The following PAGE2B variants were observed in gnomAD, a reference collection of about 807,000 sequenced individuals.
PAGE2B encodes PAGE family member 2B.
A neutral mutation model predicts 7.6 loss-of-function variants in PAGE2B; 5 were observed. That is an observed-to-expected ratio of 0.66 (90% CI 0.34 to 1.38). PAGE2B has a LOEUF of 1.38. PAGE2B is among the 40% of genes most tolerant of loss of function. The probability of loss-of-function intolerance (pLI) is 0.04; values close to 1 mark genes in which losing one functional copy is unlikely to be tolerated. For synonymous variants in PAGE2B, 29 were observed against 26.7 expected (o/e 1.09, Z -0.27); for missense variants, 70 against 78.4 (o/e 0.89, Z 0.41).
the PAGE2B span, among the ~76,000 whole-genome samples, chrX:55,069,225 T>G: frequency 1.9e-3 from 209 of 112,051 alleles, no homozygotes; most frequent in African/African-American, 6.6e-3. Flanking sequence ...CTATGCCTAG[T>G]TTATTGAGAG....
the PAGE2B span, among the ~76,000 whole-genome samples, chrX:55,068,477 C>T: frequency 8.9e-6 from 1 of 111,893 alleles, no homozygotes; most frequent in Non-Finnish European, 1.9e-5. Context: ...AGCATGATGT[C>T]TCCAGCTTTG....
the PAGE2B span, among the ~76,000 whole-genome samples, chrX:55,049,642 T>C: frequency 7.2e-5 from 8 of 111,727 alleles, no homozygotes; most frequent in East Asian, 2.0e-3. Flanking sequence ...TCTGTGGGAT[T>C]GGTGGTGATA....
chrX:55,051,751 C>T, the PAGE2B span, among the ~76,000 whole-genome samples: 1 of 111,015 alleles, frequency 9.0e-6, no homozygotes, highest in Non-Finnish European at 1.9e-5. Context: ...GTCATTTGTT[C>T]GAACTTCCTC....
chrX:55,042,652 T>A, the PAGE2B span, among the ~76,000 whole-genome samples: 1 of 5,339 alleles, frequency 1.9e-4, no homozygotes, highest in African/African-American at 8.8e-4. Flanking sequence ...AGACTCCGTC[T>A]CAAAAAAAAA....
At chrX:55,031,140 C>A in the PAGE2B span, 1 of 254,915 alleles carries the variant, frequency 3.9e-6, no homozygotes, top group South Asian at 3.9e-5. Flanking sequence ...TGTACCCCCT[C>A]CCCCAGCTCT....
the PAGE2B span, among the ~76,000 whole-genome samples, chrX:55,056,373 A>G: frequency 1.8e-5 from 2 of 111,092 alleles, no homozygotes; most frequent in Non-Finnish European, 3.8e-5. Context: ...GCCAAAGAAA[A>G]GAGGACCCAA....
chrX:55,046,833 G>C, the PAGE2B span, among the ~76,000 whole-genome samples: 7 of 112,256 alleles, frequency 6.2e-5, no homozygotes, highest in Middle Eastern at 4.6e-3. Flanking sequence ...TGGCCTTGGA[G>C]ACACAGAAAA....
upstream of PAGE2B, among the ~76,000 whole-genome samples, chrX:55,074,663 G>A (rs1220680609): frequency 8.9e-6 from 1 of 112,314 alleles, no homozygotes; most frequent in African/African-American, 3.2e-5. Flanking sequence ...GCAAACTCGT[G>A]AAGGAGGCAA....
At chrX:55,044,279 G>A in the PAGE2B span, among the ~76,000 whole-genome samples, 1 of 111,484 alleles carries the variant, frequency 9.0e-6, no homozygotes, top group East Asian at 2.8e-4. Flanking sequence ...ACACACCATG[G>A]AATACTACTC....
the PAGE2B span, among the ~76,000 whole-genome samples, chrX:55,035,043 G>T: frequency 9.1e-6 from 1 of 109,816 alleles, no homozygotes; most frequent in South Asian, 3.9e-4. Flanking sequence ...ATATTTGCTG[G>T]CAGCCAATTA....
At chrX:55,070,097 C>G (rs1936435667), upstream of PAGE2B, among the ~76,000 whole-genome samples, 1 of 111,058 alleles carries the variant, frequency 9.0e-6, no homozygotes, top group Admixed American at 9.6e-5. Context: ...TGTGTTTGCT[C>G]TTGCTTCTCT....
the PAGE2B span, among the ~76,000 whole-genome samples, chrX:55,035,783 A>C: frequency 2.5e-4 from 28 of 112,200 alleles, no homozygotes; most frequent in African/African-American, 8.7e-4. Context: ...TAGTGTTTTT[A>C]TGAAGTGTAA....
At chrX:55,034,082 G>A in the PAGE2B span, among the ~76,000 whole-genome samples, 1 of 111,940 alleles carries the variant, frequency 8.9e-6, no homozygotes, top group South Asian at 3.7e-4. Context: ...GATGAGTGGG[G>A]ATTAAGGAAG....
chrX:55,040,094 T>A, the PAGE2B span, among the ~76,000 whole-genome samples: 1 of 109,828 alleles, frequency 9.1e-6, no homozygotes, highest in African/African-American at 3.3e-5. Flanking sequence ...TTTTAATCTA[T>A]TTTTAAAATT....
chrX:55,066,992 G>A, the PAGE2B span, among the ~76,000 whole-genome samples: 11 of 110,593 alleles, frequency 9.9e-5, no homozygotes, highest in Non-Finnish European at 1.5e-4. Flanking sequence ...TCCTCTGATG[G>A]TGTATTTTCA....
At chrX:55,041,561 AC>A in the PAGE2B span, among the ~76,000 whole-genome samples, 9 of 111,779 alleles carry the variant, frequency 8.1e-5, no homozygotes, top group African/African-American at 2.6e-4. Context: ...TTTGGAAAAA[AC>A]CCAACTGAAT....
At chrX:55,032,917 A>G in the PAGE2B span, among the ~76,000 whole-genome samples, 1 of 111,806 alleles carries the variant, frequency 8.9e-6, no homozygotes, top group South Asian at 3.7e-4. Flanking sequence ...CCAACTCTTT[A>G]GCTGGCTAAC....
upstream of PAGE2B, among the ~76,000 whole-genome samples, chrX:55,072,840 G>A (rs1936463139): frequency 9.0e-6 from 1 of 111,710 alleles, no homozygotes; most frequent in African/African-American, 3.3e-5. Flanking sequence ...CACCCATTCC[G>A]AGCTTCCAGA....
At chrX:55,038,208 T>C in the PAGE2B span, among the ~76,000 whole-genome samples, 1 of 110,986 alleles carries the variant, frequency 9.0e-6, no homozygotes, top group Non-Finnish European at 1.9e-5. Flanking sequence ...TCTCTACCCA[T>C]ATAATTCACA....
Sources: gnomAD v4.1 joint callset for allele counts (sites outside exome capture counted in the v4.1 genomes callset) on GRCh38, gnomAD v4.1.1 for gene constraint, MANE v1.5 for transcripts, NCBI Gene and HGNC (gene_info 2026-07-23, HGNC 2026-07-21) for gene names.